Variants in RBFOX1 observed in about 807,000 individuals in gnomAD.
RBFOX1 encodes RNA binding fox-1 homolog 1, also known as RNA binding protein fox-1 homolog 1.
Under a neutral mutation model 57.7 loss-of-function variants are expected in RBFOX1, and 8 were observed. That is an observed-to-expected ratio of 0.14 (90% CI 0.08 to 0.25). RBFOX1 has a LOEUF of 0.25. Among genes scored for constraint, RBFOX1 ranks in the 10% least tolerant of loss-of-function variants. The pLI, the probability that RBFOX1 is intolerant of heterozygous loss-of-function variation, is 1.00. For missense variants in RBFOX1, 611 were observed against 548.5 expected, an observed-to-expected ratio of 1.11 and a Z score of -1.14; for synonymous variants, 326 against 222.4, an observed-to-expected ratio of 1.47 and a Z score of -4.15.
chr16:7,476,819 C>A (rs751126733), intron 4 of RBFOX1, among the ~76,000 whole-genome samples: 2 of 152,200 alleles, frequency 1.3e-5, no homozygotes, highest in Non-Finnish European at 2.9e-5. Context: ...TATGAGGCTG[C>A]ATATAAATTG....
intron 4 of RBFOX1, among the ~76,000 whole-genome samples, chr16:7,354,448 A>G (rs2097179919): frequency 6.6e-6 from 1 of 152,204 alleles, no homozygotes; most frequent in African/African-American, 2.4e-5. Context: ...AAAGTATTAA[A>G]GAGGTGTTGT....
At chr16:7,167,899 G>C (rs908565453) in intron 4 of RBFOX1, among the ~76,000 whole-genome samples, 1 of 152,154 alleles carries the variant, frequency 6.6e-6, no homozygotes, top group Non-Finnish European at 1.5e-5. Flanking sequence ...TTCTAGGGAG[G>C]TGTTTAATTT....
intron 3 of RBFOX1, among the ~76,000 whole-genome samples, chr16:5,771,520 T>G (rs1356293000): frequency 6.6e-6 from 1 of 152,228 alleles, no homozygotes; most frequent in Non-Finnish European, 1.5e-5. Flanking sequence ...ATGATTCTTA[T>G]GCCTCAGCCT....
intron 1 of RBFOX1, among the ~76,000 whole-genome samples, chr16:6,161,521 A>T (rs546115350): frequency 6.6e-6 from 1 of 152,224 alleles, no homozygotes; most frequent in East Asian, 1.9e-4. Context: ...TGCAGAGAAA[A>T]CCTCATAGAA....
At position 7,093,122 on chromosome 16, in the gene RBFOX1, C is replaced by T. The variant is rs571012771; in HGVS notation, c.27+41024C>T. Among the ~76,000 whole-genome samples, 138 of 152,282 alleles carry T rather than the reference C, an allele frequency of 9.1e-4. 1 individual carries two copies. The highest frequency in any genetic ancestry group is 3.4e-3 in the Middle Eastern group (1 of 294). On this transcript the variant is annotated intron_variant, in intron 4 of 15. Coordinates refer to ENST00000550418, the MANE Select transcript of RBFOX1 (RefSeq NM_018723.4). The stretch of plus-strand genomic sequence containing the variant: ...TGCCTCAGGAATACAAAGATGACTT[C>T]TTTTACCCCAGTGAATTCTGATTCA...
At chr16:5,368,841 G>GCT (rs1260513691) in intron 1 of RBFOX1, among the ~76,000 whole-genome samples, 1 of 152,218 alleles carries the variant, frequency 6.6e-6, no homozygotes, top group Admixed American at 6.5e-5. Context: ...AGCATGGCTG[G>GCT]CTCTTGTCAA....
chr16:6,661,920 G>T (rs951425537), intron 3 of RBFOX1, among the ~76,000 whole-genome samples: 2 of 147,284 alleles, frequency 1.4e-5, no homozygotes, highest in Non-Finnish European at 2.9e-5. Context: ...TTAACATCAT[G>T]GGAGTTCTAC....
At chr16:6,851,602 C>T (rs957899249) in intron 3 of RBFOX1, among the ~76,000 whole-genome samples, 1 of 152,172 alleles carries the variant, frequency 6.6e-6, no homozygotes, top group African/African-American at 2.4e-5. Context: ...GAGATCTTGT[C>T]TTAATTATCT....
chr16:7,439,956 T>TTTTTTTTTTTTTTTTTTTTTG (rs2098753386), intron 4 of RBFOX1, among the ~76,000 whole-genome samples: 1 of 149,368 alleles, frequency 6.7e-6, no homozygotes. Flanking sequence ...TTTCTTTTTT[T>TTTTTTTTTTTTTTTTTTTTTG]TTTTTTTTTT....
chr16:5,733,840 T>C (rs1316517277), intron 3 of RBFOX1, among the ~76,000 whole-genome samples: 1 of 152,002 alleles, frequency 6.6e-6, no homozygotes, highest in African/African-American at 2.4e-5. Flanking sequence ...GATGCTCTAG[T>C]CTTTCCCTGG....
rs765911628 is a variant in RBFOX1, at chr16:6,625,306, TAGAA to T, written c.-63-29292_-63-29289del. 4.0e-4 allele frequency among the ~76,000 whole-genome samples: 61 copies of T among 152,152 alleles called. 1 individual carries two copies. In the Middle Eastern group the frequency reaches 0.024, roughly 59 times the overall value. On this transcript the variant is annotated intron_variant, in intron 2 of 15. Transcript: ENST00000550418. ...GACACAGAATAGAGTCGATTTAAAT[TAGAA>T]AGAACTAAAAAATGTAGCTAATTTC...
At chr16:6,422,541 C>T (rs1221389060) in intron 2 of RBFOX1, among the ~76,000 whole-genome samples, 1 of 152,160 alleles carries the variant, frequency 6.6e-6, no homozygotes, top group Admixed American at 6.6e-5. Context: ...GTCCATGGTT[C>T]TGCAGGCTGT....
chr16:7,590,352 C>A (rs991842203), intron 7 of RBFOX1, among the ~76,000 whole-genome samples: 1 of 151,630 alleles, frequency 6.6e-6, no homozygotes, highest in African/African-American at 2.4e-5. Flanking sequence ...ATGTATATAA[C>A]TCAAGTATTT....
intron 2 of RBFOX1, among the ~76,000 whole-genome samples, chr16:6,528,864 AGGCATTCCCAAATGTCTCCT>A (rs1271729167): frequency 6.6e-6 from 1 of 152,202 alleles, no homozygotes; most frequent in South Asian, 2.1e-4. Flanking sequence ...AAATGTCTCC[AGGCATTCCCAAATGTCTCCT>A]GGTGGAAGAA....
chr16:6,425,277 A>G (rs1398762533), intron 2 of RBFOX1, among the ~76,000 whole-genome samples: 1 of 152,200 alleles, frequency 6.6e-6, no homozygotes, highest in Non-Finnish European at 1.5e-5. Context: ...GGGGAGGGTA[A>G]CATTGGGCTC....
At chr16:6,677,769 T>C (rs1430116157) in intron 3 of RBFOX1, among the ~76,000 whole-genome samples, 1 of 152,224 alleles carries the variant, frequency 6.6e-6, no homozygotes, top group Admixed American at 6.5e-5. Context: ...GACATCACTA[T>C]ACAAGTTATT....
intron 2 of RBFOX1, among the ~76,000 whole-genome samples, chr16:5,500,666 T>C (rs144358516): frequency 1.3e-5 from 2 of 152,304 alleles, no homozygotes; most frequent in East Asian, 3.9e-4. Context: ...GCCAGCAGCC[T>C]CAGTGTATGG....
At chr16:7,351,960 A>AT (rs1002176093) in intron 4 of RBFOX1, among the ~76,000 whole-genome samples, 1 of 152,078 alleles carries the variant, frequency 6.6e-6, no homozygotes, top group African/African-American at 2.4e-5. Context: ...CTTTGATGCC[A>AT]TTTTTTGGAG....
intron 1 of RBFOX1, among the ~76,000 whole-genome samples, chr16:5,260,375 G>T (rs1660838748): frequency 6.6e-6 from 1 of 151,982 alleles, no homozygotes; most frequent in South Asian, 2.1e-4. Context: ...CACAAAGATG[G>T]CTAGAGACAT....
Sources: allele counts gnomAD v4.1 joint callset (sites outside exome capture counted in the v4.1 genomes callset), GRCh38; gene constraint gnomAD v4.1.1; transcripts MANE v1.5; gene names NCBI Gene and HGNC (gene_info 2026-07-23, HGNC 2026-07-21).